The following PNPLA3 variants were observed in gnomAD, a reference collection of about 807,000 sequenced individuals.
PNPLA3 encodes the protein 1-acylglycerol-3-phosphate O-acyltransferase PNPLA3.
In PNPLA3, 42 loss-of-function variants were observed where a neutral mutation model predicts 43.1. The ratio of observed to expected loss-of-function variants is 0.97; its 90% confidence interval spans 0.76 to 1.26. PNPLA3 has a LOEUF of 1.26. Ranked by LOEUF, PNPLA3 falls within the 50% of genes most tolerant of loss-of-function variation. The pLI, the probability that PNPLA3 is intolerant of heterozygous loss-of-function variation, is 0.00. For synonymous variants in PNPLA3, 272 were observed against 253.6 expected, an observed-to-expected ratio of 1.07 and a Z score of -0.69; for missense variants, 647 against 621.4, an observed-to-expected ratio of 1.04 and a Z score of -0.44.
intron 5 of PNPLA3, among the ~76,000 whole-genome samples, chr22:43,936,201 A>G (rs561871875): frequency 6.6e-6 from 1 of 152,172 alleles, no homozygotes; most frequent in African/African-American, 2.4e-5. Flanking sequence ...CTGCCTGAGA[A>G]CAGATACCTG....
chr22:43,929,485 A>G (rs987450282), intron 3 of PNPLA3, among the ~76,000 whole-genome samples: 2 of 151,612 alleles, frequency 1.3e-5, no homozygotes, highest in African/African-American at 2.4e-5. Flanking sequence ...CAAAAAGAAA[A>G]AAAAAAAAAA....
intron 7 of PNPLA3, among the ~76,000 whole-genome samples, chr22:43,944,187 C>T (rs1444972795): frequency 3.3e-5 from 5 of 152,196 alleles, no homozygotes; most frequent in East Asian, 1.9e-4. Context: ...CAGCCTCCTC[C>T]TCCCCACCCC....
chr22:43,934,689 A>C (rs1047819859), intron 5 of PNPLA3, 23 bp downstream of exon 5: 1 of 1,596,116 alleles, frequency 6.3e-7, no homozygotes, highest in Non-Finnish European at 8.6e-7. Context: ...TGGGAGGATC[A>C]GCCATGCCCT....
At chr22:43,936,909 C>T (rs150342244) in intron 5 of PNPLA3, 142 bp from the exon 6 acceptor site, 844 of 679,022 alleles carry the variant, frequency 1.2e-3, no homozygotes, top group Middle Eastern at 5.1e-3. Flanking sequence ...CACCTGTGCT[C>T]GTTCTCTTCC....
At chr22:43,932,534 G>A (rs1371490098) in intron 3 of PNPLA3, among the ~76,000 whole-genome samples, 2 of 152,158 alleles carry the variant, frequency 1.3e-5, no homozygotes, top group East Asian at 1.9e-4. Context: ...GACCCCCTTA[G>A]GCATGTTACA....
intron 6 of PNPLA3, among the ~76,000 whole-genome samples, chr22:43,937,490 A>G (rs2076207): frequency 0.21 from 31,155 of 151,708 alleles, 3,713 homozygotes; most frequent in East Asian, 0.39. Flanking sequence ...CTCCCTTCCC[A>G]TGGGGTCATG....
At chr22:43,928,777 T>C in intron 2 of PNPLA3, 47 bp from the exon 3 acceptor site, 4 of 1,550,322 alleles carry the variant, frequency 2.6e-6, no homozygotes, top group Non-Finnish European at 3.6e-6. Flanking sequence ...TCAGGAAAAT[T>C]AAAAGGGTGC....
intron 7 of PNPLA3, among the ~76,000 whole-genome samples, chr22:43,943,422 G>A (rs1053643162): frequency 5.3e-5 from 8 of 152,072 alleles, no homozygotes; most frequent in African/African-American, 7.2e-5. Flanking sequence ...CGGTGCTACC[G>A]CTTTCCTAGA....
chr22:43,926,770 C>T (rs886293244), intron 1 of PNPLA3, among the ~76,000 whole-genome samples, 165 bp from the exon 2 acceptor site: 17 of 152,210 alleles, frequency 1.1e-4, no homozygotes, highest in Non-Finnish European at 1.6e-4. Context: ...TCAGTTTTGA[C>T]GAGCCACATT....
At chr22:43,942,188 T>C (rs886477414) in intron 7 of PNPLA3, among the ~76,000 whole-genome samples, 1 of 152,164 alleles carries the variant, frequency 6.6e-6, no homozygotes, top group African/African-American at 2.4e-5. Context: ...CCCACTTCCA[T>C]CTGGGTGTGT....
intron 8 of PNPLA3, 119 bp from the exon 9 acceptor site, chr22:43,946,035 G>A (rs1033815295): frequency 2.5e-5 from 23 of 903,200 alleles, no homozygotes; most frequent in African/African-American, 1.6e-4. Context: ...TGGCTGTGAC[G>A]GCACCCTAGA....
chr22:43,944,681 A>G lies in PNPLA3; in HGVS notation c.1113-10A>G, dbSNP rs756859363. On this transcript the variant is annotated splice_polypyrimidine_tract_variant and intron_variant, in intron 7 of 8. Coordinates refer to ENST00000216180, the MANE Select transcript of PNPLA3 (RefSeq NM_025225.3). ...TGTGTGTGTTTGTGTACTTGGTCTC[A>G]TCTCTGCAGACTGGTGACATGGCTT... is the stretch of plus-strand genomic sequence containing the variant. The G allele has an allele frequency of 3.7e-6, 6 of 1,613,186 alleles. No homozygotes were observed. The highest frequency in any genetic ancestry group is 3.3e-4 in the Middle Eastern group (2 of 6,082).
rs569064196 is a variant in PNPLA3 at position 43,924,036 on chromosome 22, T to G, written c.125T>G (p.Met42Arg). 1.5e-5 allele frequency: 23 copies of G among 1,580,794 alleles called. No homozygotes were observed. Among genetic ancestry groups the G allele is most frequent in the Non-Finnish European group, 2.0e-5 (23 of 1,172,508 alleles). ...CCGCACCTCCTCCGCGACGCGCGCA[T>G]GTTGTTCGGCGCTTCGGCCGGGGCG... ...HAPHLLRDAR[M>R]LFGASAGALH... Residue 42 changes from methionine to arginine, a missense_variant, in exon 1 of 9, where the codon ATG (methionine) becomes AGG (arginine). Met to Arg is a moderately conservative substitution (Grantham distance 91). Coordinates refer to ENST00000216180, the MANE Select transcript of PNPLA3 (RefSeq NM_025225.3).
At chr22:43,942,896 G>C (rs2050040662) in intron 7 of PNPLA3, among the ~76,000 whole-genome samples, 1 of 151,780 alleles carries the variant, frequency 6.6e-6, no homozygotes, top group South Asian at 2.1e-4. Flanking sequence ...TGTAAGATGG[G>C]ATCTTACTAT....
In PNPLA3 at chr22:43,946,178, A is replaced by G. The variant is rs1374646319; in HGVS notation, c.1242A>G (p.Gln414=). Residue 414 remains glutamine, a synonymous_variant, in exon 9 of 9, where the codon CAA becomes CAG. Transcript: ENST00000216180. ...ASRSQMPVSS[Q]QASPCTPEQD... is the part of the protein sequence containing the mutation. ...GGTCCCAAATGCCAGTGAGCAGCCA[A>G]CAGGCCTCCCCATGCACACCTGAGC... is the stretch of plus-strand genomic sequence containing the variant. 1.2e-6 allele frequency: 2 copies of G among 1,613,872 alleles called. No homozygotes were observed. Among genetic ancestry groups the G allele is most frequent in the Admixed American group, 1.7e-5 (1 of 60,022 alleles).
At chr22:43,929,507 T>C (rs1334773593) in intron 3 of PNPLA3, among the ~76,000 whole-genome samples, 1 of 150,012 alleles carries the variant, frequency 6.7e-6, no homozygotes, top group African/African-American at 2.4e-5. Context: ...GTAAATAAAG[T>C]ATATGACACT....
intron 2 of PNPLA3, 140 bp downstream of exon 2, chr22:43,927,307 T>A: frequency 1.5e-6 from 1 of 677,968 alleles, no homozygotes; most frequent in Admixed American, 2.4e-5. Flanking sequence ...GAGACCAACA[T>A]GATGAAACCC....
rs773248619 is a variant in PNPLA3, at chr22:43,933,022, A to T, written c.631A>T (p.Ser211Cys). The change falls in exon 4 of 9, where the codon AGT becomes TGT. Residue 211 changes from serine (S) to cysteine (C), a missense_variant. Coordinates refer to ENST00000216180, the MANE Select transcript of PNPLA3 (RefSeq NM_025225.3). ...TCTTCATGTGGACATCACCAAGCTC[A>T]GTCTACGCCTCTGCACAGGGAACCT... ...NFLHVDITKL[S>C]LRLCTGNLYL... 1 of 1,614,150 alleles carries T rather than the reference A, an allele frequency of 6.2e-7. No individual in the cohort carries two copies. The highest frequency in any genetic ancestry group is 8.5e-7 in the Non-Finnish European group (1 of 1,180,016).
Position 43,932,959 on chromosome 22 carries a change from G to A in PNPLA3, c.568G>A (p.Glu190Lys), listed in dbSNP as rs950266282. The change falls in exon 4 of 9, where the codon GAG becomes AAG. Residue 190 changes from glutamate (E) to lysine (K), a missense_variant. Transcript: ENST00000216180. Reference protein sequence around the residue: ...TTITVSPFYGEYDICPKVKST... With the variant: ...TTITVSPFYGKYDICPKVKST... The stretch of plus-strand genomic sequence containing the variant: ...CATCACCGTGTCCCCCTTCTATGGG[G>A]AGTACGACATCTGCCCTAAAGTCAA... 1 of 1,614,054 alleles carries A rather than the reference G, an allele frequency of 6.2e-7. No homozygotes were observed. Among genetic ancestry groups the A allele is most frequent in the Non-Finnish European group, 8.5e-7 (1 of 1,180,030 alleles).
Sources: gnomAD v4.1 joint callset for allele counts (sites outside exome capture counted in the v4.1 genomes callset) on GRCh38, gnomAD v4.1.1 for gene constraint, MANE v1.5 for transcripts, NCBI Gene and HGNC (gene_info 2026-07-23, HGNC 2026-07-21) for gene names.